The following CCM2 variants were observed in gnomAD, a reference collection of about 807,000 sequenced individuals.
The protein encoded by CCM2 is cerebral cavernous malformations 2 protein.
A neutral mutation model predicts 44.9 loss-of-function variants in CCM2; 25 were observed. The ratio of observed to expected loss-of-function variants is 0.56; its 90% confidence interval spans 0.41 to 0.78. The LOEUF (loss-of-function observed/expected upper bound fraction) is 0.78. CCM2 is among the 30% of genes least tolerant of loss of function. The pLI, the probability that CCM2 is intolerant of heterozygous loss-of-function variation, is 0.00. For missense variants in CCM2, 481 were observed against 580.6 expected (o/e 0.83, Z 1.76); for synonymous variants, 219 against 241.1 (o/e 0.91, Z 0.85).
At chr7:45,059,465 C>G (rs1798424623) in intron 2 of CCM2, among the ~76,000 whole-genome samples, 2 of 151,386 alleles carry the variant, frequency 1.3e-5, no homozygotes, top group African/African-American at 4.8e-5. Context: ...AAAATACAGG[C>G]TGGGTGCGGT....
intron 2 of CCM2, among the ~76,000 whole-genome samples, chr7:45,049,766 C>T (rs1009157580): frequency 3.1e-4 from 46 of 147,764 alleles, no homozygotes; most frequent in African/African-American, 1.2e-3. Flanking sequence ...TCAGTGCATA[C>T]GTGAGGACTC....
At chr7:45,032,291 G>T (rs186836025) in intron 1 of CCM2, among the ~76,000 whole-genome samples, 105 of 152,294 alleles carry the variant, frequency 6.9e-4, no homozygotes, top group Non-Finnish European at 1.5e-4. Context: ...CACAGAATCT[G>T]CTTGTTAAAA....
chr7:45,057,508 C>T (rs547548734), intron 2 of CCM2, among the ~76,000 whole-genome samples: 51 of 152,296 alleles, frequency 3.3e-4, no homozygotes, highest in African/African-American at 1.1e-3. Flanking sequence ...CTTTATATCA[C>T]GCTCTTTCCA....
At chr7:45,048,533 G>A (rs1473311790) in intron 2 of CCM2, among the ~76,000 whole-genome samples, 2 of 152,160 alleles carry the variant, frequency 1.3e-5, no homozygotes, top group African/African-American at 4.8e-5. Context: ...GGGAGGCCGA[G>A]GCAGGCGGAT....
At chr7:45,001,661 C>A (rs1247842363) in intron 1 of CCM2, among the ~76,000 whole-genome samples, 4 of 152,072 alleles carry the variant, frequency 2.6e-5, no homozygotes, top group African/African-American at 9.7e-5. Flanking sequence ...AGTACCTGGC[C>A]CATCTACCTG....
intron 1 of CCM2, among the ~76,000 whole-genome samples, chr7:45,000,769 G>A (rs1211871732): frequency 6.6e-6 from 1 of 152,258 alleles, no homozygotes; most frequent in African/African-American, 2.4e-5. Flanking sequence ...GTAAAAGCAA[G>A]GGTGGCCTTC....
At chr7:45,035,710 C>T (rs993537949) in intron 1 of CCM2, among the ~76,000 whole-genome samples, 4 of 152,110 alleles carry the variant, frequency 2.6e-5, no homozygotes, top group African/African-American at 9.7e-5. Context: ...GCCTGGGTCA[C>T]AGGTGTGTCA....
chr7:45,000,281 C>CGGCGGGGCTCCCGGGGCGGGCCG lies in CCM2; in HGVS notation c.-46_-24dup. The CGGCGGGGCTCCCGGGGCGGGCCG allele has an allele frequency of 9.0e-7, 1 of 1,113,442 alleles. No homozygotes were observed. Among genetic ancestry groups the CGGCGGGGCTCCCGGGGCGGGCCG allele is most frequent in the Non-Finnish European group, 1.1e-6 (1 of 908,714 alleles). 69.0% of individuals were successfully genotyped at this position (1,113,442 alleles called of 1,614,324 possible). A position where few individuals can be genotyped will look rare whatever the true frequency, so the allele number is the denominator to read the frequency against. ...GGGTCGAGCATGTAGCGGCTGCTGG[C>CGGCGGGGCTCCCGGGGCGGGCCG]GGCGGGGCTCCCGGGGCGGGCCGGG... On this transcript the variant is annotated 5_prime_UTR_variant, in exon 1 of 10. Coordinates refer to ENST00000258781, the MANE Select transcript of CCM2 (RefSeq NM_031443.4).
intron 1 of CCM2, among the ~76,000 whole-genome samples, chr7:45,019,280 G>A (rs1466501976): frequency 2.0e-5 from 3 of 151,960 alleles, no homozygotes; most frequent in African/African-American, 7.3e-5. Context: ...TCAGTATGTT[G>A]CTCAGGCTGG....
At position 45,000,458 on chromosome 7, in the gene CCM2, G is replaced by GGC. The variant is rs1445178673; in HGVS notation, c.30+96_30+97insCG. 2.0e-3 allele frequency: 643 copies of GGC among 318,730 alleles called. 18 individuals carry two copies. Among genetic ancestry groups the GGC allele is most frequent in the African/African-American group, 6.8e-3 (248 of 36,488 alleles). 19.7% of individuals were successfully genotyped at this position (318,730 alleles called of 1,614,324 possible). On this transcript the variant is annotated intron_variant, in intron 1 of 9. Coordinates refer to ENST00000258781, the MANE Select transcript of CCM2 (RefSeq NM_031443.4). ...GGGCGGGTGTTCCTTGGGGCCCGGG[G>GGC]GGGGGGGCAGTGGGCCAGCTGGCGG...
chr7:45,043,603 T>G (rs1313069280), intron 2 of CCM2: 1 of 317,456 alleles, frequency 3.2e-6, no homozygotes. Flanking sequence ...CACTCCAGCC[T>G]GGGTGATGGG....
At chr7:45,032,278 G>T (rs754927791) in intron 1 of CCM2, among the ~76,000 whole-genome samples, 1 of 152,184 alleles carries the variant, frequency 6.6e-6, no homozygotes, top group Non-Finnish European at 1.5e-5. Context: ...CCTCCAAGTA[G>T]TCCACAGAAT....
At chr7:45,003,402 T>C (rs779594951) in intron 1 of CCM2, among the ~76,000 whole-genome samples, 16 of 152,138 alleles carry the variant, frequency 1.1e-4, no homozygotes, top group Non-Finnish European at 1.3e-4. Flanking sequence ...TTGGATGCAC[T>C]TAAGTTGGGT....
chr7:45,056,979 T>A (rs1415646060), intron 2 of CCM2, among the ~76,000 whole-genome samples: 1 of 152,220 alleles, frequency 6.6e-6, no homozygotes. Context: ...CATTTTGAGT[T>A]AATCTTTGTA....
At chr7:45,049,504 G>A (rs1019143854) in intron 2 of CCM2, among the ~76,000 whole-genome samples, 6 of 152,048 alleles carry the variant, frequency 3.9e-5, no homozygotes, top group African/African-American at 1.2e-4. Context: ...TTGATTTATC[G>A]CCGAGTGTTC....
At chr7:45,013,962 TTAA>T (rs1316204688) in intron 1 of CCM2, among the ~76,000 whole-genome samples, 1 of 152,152 alleles carries the variant, frequency 6.6e-6, no homozygotes, top group Non-Finnish European at 1.5e-5. Context: ...GGTTACTTGG[TTAA>T]GATAGTCTTG....
chr7:45,041,309 A>G (rs1158338341), intron 2 of CCM2, among the ~76,000 whole-genome samples: 1 of 152,238 alleles, frequency 6.6e-6, no homozygotes, highest in Non-Finnish European at 1.5e-5. Context: ...GTTTCTGGGA[A>G]GATGAAGTAG....
rs1268944917 is a variant in CCM2 at position 45,072,537 on chromosome 7, C to G, written c.746-189C>G. On this transcript the variant is annotated intron_variant, in intron 6 of 9. Transcript: ENST00000258781. ...TCCCCAGGAGGGGTGTATGTGGGCT[C>G]AAGTCTGGGAAGCCCTGCCCTGAGG... 64 of 669,740 alleles carry G rather than the reference C, an allele frequency of 9.6e-5. 2 individuals carry two copies. In the South Asian group the frequency reaches 9.8e-4, roughly 10 times the overall value. The allele number at this position is 669,740 out of a possible 1,614,324, so 41.5% of individuals were successfully genotyped here. A position where few individuals can be genotyped will look rare whatever the true frequency, so the allele number is the denominator to read the frequency against.
At chr7:45,009,601 A>G (rs1002568746) in intron 1 of CCM2, among the ~76,000 whole-genome samples, 1 of 152,046 alleles carries the variant, frequency 6.6e-6, no homozygotes, top group East Asian at 2.0e-4. Context: ...ATAGGGTTTC[A>G]CCATGTTGGT....
Sources: allele counts gnomAD v4.1 joint callset (sites outside exome capture counted in the v4.1 genomes callset), GRCh38; gene constraint gnomAD v4.1.1; transcripts MANE v1.5; gene names NCBI Gene and HGNC (gene_info 2026-07-23, HGNC 2026-07-21).